Variants in DCC observed in about 807,000 individuals in gnomAD.
DCC encodes DCC netrin 1 receptor.
A neutral mutation model predicts 172.5 loss-of-function variants in DCC; 58 were observed. The observed-to-expected ratio is 0.34, with a 90% CI of 0.27 to 0.42. DCC has a LOEUF of 0.42. DCC is among the 10% of genes least tolerant of loss of function. The pLI is 1.00. For missense variants in DCC, 1,740 were observed against 1,791.0 expected (o/e 0.97, Z 0.51); for synonymous variants, 709 against 644.5 (o/e 1.10, Z -1.52).
intron 1 of DCC, among the ~76,000 whole-genome samples, chr18:52,534,638 A>T (rs937270325): frequency 2.0e-5 from 3 of 152,212 alleles, no homozygotes; most frequent in Non-Finnish European, 4.4e-5. Context: ...TCACAAATTT[A>T]GCAAAGCAAT....
At chr18:53,117,933 T>G (rs781048502) in intron 7 of DCC, among the ~76,000 whole-genome samples, 11 of 151,828 alleles carry the variant, frequency 7.2e-5, no homozygotes, top group Non-Finnish European at 1.5e-4. Context: ...GTAAACATTC[T>G]TCTTGTCTTA....
intron 22 of DCC, among the ~76,000 whole-genome samples, chr18:53,440,017 G>A (rs551597224): frequency 4.0e-5 from 6 of 151,494 alleles, no homozygotes; most frequent in African/African-American, 4.9e-5. Context: ...CGCCCGCCTC[G>A]GCCTCCCAAA....
intron 15 of DCC, among the ~76,000 whole-genome samples, chr18:53,371,863 C>T (rs1022701271): frequency 1.3e-5 from 2 of 151,914 alleles, no homozygotes; most frequent in East Asian, 1.9e-4. Context: ...ATGAAACAAT[C>T]CTAAGCATCA....
chr18:53,277,735 A>G (rs956950452), intron 12 of DCC, among the ~76,000 whole-genome samples: 14 of 152,258 alleles, frequency 9.2e-5, no homozygotes, highest in Admixed American at 6.5e-4. Context: ...GCTCAGCTCC[A>G]CAGTGCCTCA....
chr18:53,180,789 T>A (rs1287725777), intron 9 of DCC, among the ~76,000 whole-genome samples: 1 of 152,102 alleles, frequency 6.6e-6, no homozygotes, highest in Non-Finnish European at 1.5e-5. Context: ...ATTTTTGTAT[T>A]TTTAGTAGAG....
At chr18:52,383,919 T>C (rs959271663) in intron 1 of DCC, among the ~76,000 whole-genome samples, 1 of 152,140 alleles carries the variant, frequency 6.6e-6, no homozygotes, top group Admixed American at 6.6e-5. Context: ...TGTATATGTA[T>C]GTAAGCAAAC....
chr18:53,198,452 T>TCACAC (rs2055483557), intron 9 of DCC, among the ~76,000 whole-genome samples: 1 of 141,460 alleles, frequency 7.1e-6, no homozygotes, highest in African/African-American at 2.6e-5. Context: ...TCTCTCTCTC[T>TCACAC]CTCACACACA....
intron 8 of DCC, 106 bp from the exon 9 acceptor site, chr18:53,178,856 G>A (rs1456155796): frequency 3.4e-6 from 4 of 1,171,596 alleles, no homozygotes; most frequent in East Asian, 2.4e-5. Flanking sequence ...CATTAGATGA[G>A]TGAGCAACCT....
At chr18:53,375,095 C>T (rs2058096442) in intron 15 of DCC, among the ~76,000 whole-genome samples, 1 of 152,182 alleles carries the variant, frequency 6.6e-6, no homozygotes, top group South Asian at 2.1e-4. Context: ...GGGACAATCA[C>T]TGTGCCTACC....
chr18:52,342,319 G>C (rs1983683349), intron 1 of DCC, among the ~76,000 whole-genome samples: 1 of 152,086 alleles, frequency 6.6e-6, no homozygotes, highest in South Asian at 2.1e-4. Flanking sequence ...GCTGTCCTGT[G>C]ATGAGCGCGT....
chr18:52,593,538 T>A (rs970907837), intron 1 of DCC, among the ~76,000 whole-genome samples: 3 of 152,258 alleles, frequency 2.0e-5, no homozygotes, highest in Non-Finnish European at 4.4e-5. Context: ...CTTTATTTTT[T>A]AAAACCGTGA....
At chr18:52,341,762 C>T (rs1296869258) in intron 1 of DCC, among the ~76,000 whole-genome samples, 1 of 152,160 alleles carries the variant, frequency 6.6e-6, no homozygotes, top group Non-Finnish European at 1.5e-5. Flanking sequence ...TAGAAAAGAG[C>T]AAAATGACTC....
At chr18:53,404,340 G>A (rs554860579) in intron 19 of DCC, among the ~76,000 whole-genome samples, 4 of 138,808 alleles carry the variant, frequency 2.9e-5, no homozygotes, top group Admixed American at 1.5e-4. Flanking sequence ...AATCTTATCA[G>A]TCAGTGTAAA....
At chr18:53,420,350 G>T (rs1037850755) in intron 21 of DCC, among the ~76,000 whole-genome samples, 15 of 152,270 alleles carry the variant, frequency 9.9e-5, no homozygotes, top group Middle Eastern at 3.4e-3. Context: ...TCAATCTGAG[G>T]TCATCTTGTT....
In DCC at chr18:52,906,127, G is replaced by A; in HGVS notation, c.496G>A (p.Glu166Lys). 1.2e-6 allele frequency: 2 copies of A among 1,614,000 alleles called. No individual in the cohort carries two copies. The highest frequency in any genetic ancestry group is 1.7e-6 in the Non-Finnish European group (2 of 1,179,912). Residue 166 changes from glutamate (E) to lysine (K), a missense_variant, in exon 3 of 29, where the codon GAG becomes AAG. By Grantham distance (56) the Glu-to-Lys change is moderately conservative. Around this residue, in one of 2 missense-constraint regions of DCC, gnomAD observed 1,732 missense variants for 1,767.4 expected, o/e 0.98. Coordinates refer to ENST00000442544, the MANE Select transcript of DCC (RefSeq NM_005215.4). ...GCTACTCAAGTGTGAAGTCATTGGGGAGCCCATGCCAACAATCCACTGGCA... is the reference window on the plus strand; with the variant it reads ...GCTACTCAAGTGTGAAGTCATTGGGAAGCCCATGCCAACAATCCACTGGCA... ...TVLLKCEVIGEPMPTIHWQKN... is the reference protein window; with the variant it reads ...TVLLKCEVIGKPMPTIHWQKN...
rs187812252 is a variant in DCC, at chr18:52,397,599, G to A, written c.91+56721G>A. On this transcript the variant is annotated intron_variant, in intron 1 of 28. Coordinates refer to ENST00000442544, the MANE Select transcript of DCC (RefSeq NM_005215.4). ...AATTGCCATTAGAGTGCTACCCTAG[G>A]CATATATCAATTTCCTTGGGGATCT... 1.4e-4 allele frequency among the ~76,000 whole-genome samples: 22 copies of A among 152,002 alleles called. No individual in the cohort carries two copies. In the East Asian group the frequency reaches 4.1e-3, roughly 28 times the overall value.
chr18:53,044,359 G>A (rs1185429762), intron 5 of DCC, among the ~76,000 whole-genome samples: 1 of 151,846 alleles, frequency 6.6e-6, no homozygotes, highest in African/African-American at 2.4e-5. Context: ...TGCATAGTAT[G>A]TATTTTTAAA....
chr18:52,870,860 G>T (rs2039308160), intron 2 of DCC, among the ~76,000 whole-genome samples: 1 of 152,000 alleles, frequency 6.6e-6, no homozygotes, highest in Non-Finnish European at 1.5e-5. Context: ...TAAAAACTTT[G>T]TCTCCCATGT....
intron 5 of DCC, among the ~76,000 whole-genome samples, chr18:53,031,786 T>C (rs2042029220): frequency 6.6e-6 from 1 of 152,150 alleles, no homozygotes; most frequent in South Asian, 2.1e-4. Flanking sequence ...CCTAAGGTTT[T>C]GTAACATACT....
Sources: allele counts gnomAD v4.1 joint callset (sites outside exome capture counted in the v4.1 genomes callset), GRCh38; gene constraint gnomAD v4.1.1; regional missense constraint gnomAD v4.1.1; transcripts MANE v1.5; gene names NCBI Gene and HGNC (gene_info 2026-07-23, HGNC 2026-07-21).